The following VPS13A variants were observed in gnomAD, a reference collection of about 807,000 sequenced individuals.
The protein encoded by VPS13A is vacuolar protein sorting 13 homolog A.
In VPS13A, 264 loss-of-function variants were observed where a neutral mutation model predicts 390.9. The ratio of observed to expected loss-of-function variants is 0.68; its 90% confidence interval spans 0.61 to 0.75. The LOEUF is 0.75. VPS13A is among the 30% of genes least tolerant of loss of function. The probability of loss-of-function intolerance (pLI) is 0.00; values close to 1 mark genes in which losing one functional copy is unlikely to be tolerated. For missense variants in VPS13A, 3,409 were observed against 3,733.9 expected, an observed-to-expected ratio of 0.91 and a Z score of 2.27; for synonymous variants, 1,231 against 1,227.1, an observed-to-expected ratio of 1.00 and a Z score of -0.07.
intron 68 of VPS13A, chr9:77,382,518 C>T (rs1286958830): frequency 8.0e-7 from 1 of 1,251,590 alleles, no homozygotes; most frequent in Admixed American, 4.0e-5. Context: ...CCTTATGTAT[C>T]CTCGTCATTG....
At chr9:77,210,052 A>G (rs1457300172) in intron 6 of VPS13A, among the ~76,000 whole-genome samples, 1 of 152,098 alleles carries the variant, frequency 6.6e-6, no homozygotes, top group Admixed American at 6.5e-5. Context: ...TGTTTTAGGA[A>G]AAATATAGGA....
intron 68 of VPS13A, chr9:77,382,765 G>A: frequency 1.0e-6 from 1 of 985,594 alleles, no homozygotes; most frequent in Non-Finnish European, 1.2e-6. Flanking sequence ...AAAACTTGTG[G>A]GATTTGATAA....
chr9:77,385,339 C>A, intron 68 of VPS13A: 1 of 352,888 alleles, frequency 2.8e-6, no homozygotes, highest in Non-Finnish European at 4.0e-6. Context: ...CTTTGCTTTA[C>A]TTTTTACCGT....
chr9:77,382,365 A>G, intron 68 of VPS13A: 1 of 1,506,876 alleles, frequency 6.6e-7, no homozygotes, highest in African/African-American at 1.4e-5. Context: ...TTTACAAACT[A>G]CGTACAGCTG....
At chr9:77,353,167 A>T (rs923573495) in intron 53 of VPS13A, among the ~76,000 whole-genome samples, 4 of 152,100 alleles carry the variant, frequency 2.6e-5, no homozygotes, top group African/African-American at 2.4e-5. Context: ...TGTTTAAATT[A>T]AAAAAGTAAA....
chr9:77,282,296 C>A (rs752578033), intron 29 of VPS13A, 22 bp downstream of exon 29: 19 of 1,592,668 alleles, frequency 1.2e-5, no homozygotes, highest in South Asian at 1.0e-4. Context: ...AAAAATTTAG[C>A]ATCAACTTTT....
chr9:77,293,792 G>T (rs913749800), intron 32 of VPS13A, among the ~76,000 whole-genome samples: 4 of 151,858 alleles, frequency 2.6e-5, no homozygotes, highest in Non-Finnish European at 2.9e-5. Flanking sequence ...TAGAACCTTC[G>T]TTTTATATGT....
At chr9:77,200,973 C>T (rs765211153) in intron 2 of VPS13A, among the ~76,000 whole-genome samples, 31 of 152,078 alleles carry the variant, frequency 2.0e-4, no homozygotes, top group Non-Finnish European at 4.3e-4. Context: ...ATGGGGAGAA[C>T]GTTTTGAAAG....
rs1823118758 is a variant in VPS13A, at chr9:77,220,239, T to A, written c.883-38T>A. ...TATCTTCAGCAATTGAACAAAAAAA[T>A]GTGATACATTTAAGAGCTTTAATTT... On this transcript the variant is annotated intron_variant, in intron 11 of 71. Coordinates refer to ENST00000360280, the MANE Select transcript of VPS13A (RefSeq NM_033305.3). 3 of 1,572,444 alleles carry A rather than the reference T, an allele frequency of 1.9e-6. No homozygotes were observed. In the East Asian group the frequency reaches 6.8e-5, roughly 36 times the overall value.
At chr9:77,277,496 A>G (rs1343070437) in intron 26 of VPS13A, among the ~76,000 whole-genome samples, 3 of 152,134 alleles carry the variant, frequency 2.0e-5, no homozygotes, top group Non-Finnish European at 4.4e-5. Flanking sequence ...TTCTGTTTGG[A>G]CATGTATAAT....
At chr9:77,283,697 G>C in intron 31 of VPS13A, 47 bp downstream of exon 31, 1 of 1,426,382 alleles carries the variant, frequency 7.0e-7, no homozygotes. Flanking sequence ...AAATAGGATT[G>C]TCCTTTAAGA....
At chr9:77,377,806 A>C (rs1405616168) in intron 67 of VPS13A, among the ~76,000 whole-genome samples, 1 of 152,126 alleles carries the variant, frequency 6.6e-6, no homozygotes, top group Non-Finnish European at 1.5e-5. Flanking sequence ...TTTTAATCTT[A>C]GGGGGAAAGC....
intron 35 of VPS13A, among the ~76,000 whole-genome samples, chr9:77,312,774 AGACT>A (rs1829163859): frequency 6.6e-6 from 1 of 152,190 alleles, no homozygotes; most frequent in Non-Finnish European, 1.5e-5. Context: ...AAGTTGTAGA[AGACT>A]GACAACATCA....
intron 60 of VPS13A, 124 bp from the exon 61 acceptor site, chr9:77,366,603 A>G (rs1343940874): frequency 1.2e-6 from 1 of 812,300 alleles, no homozygotes; most frequent in Non-Finnish European, 1.9e-6. Flanking sequence ...ATTTTAACAT[A>G]ATCCAGATAA....
rs942489175 is a variant in VPS13A, at chr9:77,177,762, G to A, written c.58G>A (p.Val20Met). ...GAACCGGTTCTTGGGGGACTATGTG[G>A]TGGACTTGGACACGTCCCAGCTCTC... ...VLNRFLGDYV[V>M]DLDTSQLSLG... Residue 20 changes from valine (V) to methionine (M), a missense_variant, in exon 1 of 72, where the codon GTG becomes ATG. Val to Met is a conservative substitution (Grantham distance 21). This residue lies in a region of VPS13A where 2,717 missense variants were observed against 2,917.4 expected (regional missense o/e 0.93). Coordinates refer to ENST00000360280, the MANE Select transcript of VPS13A (RefSeq NM_033305.3). 4 of 1,613,582 alleles carry A rather than the reference G, an allele frequency of 2.5e-6. No homozygotes were observed. Among genetic ancestry groups the A allele is most frequent in the Non-Finnish European group, 3.4e-6 (4 of 1,179,732 alleles).
intron 1 of VPS13A, among the ~76,000 whole-genome samples, chr9:77,178,973 TATC>T (rs1342333841): frequency 6.6e-6 from 1 of 152,224 alleles, no homozygotes; most frequent in Non-Finnish European, 1.5e-5. Context: ...GGGGACCTAG[TATC>T]ATGATGGAGA....
chr9:77,362,088 A>G (rs1435672800), intron 59 of VPS13A, among the ~76,000 whole-genome samples: 1 of 152,042 alleles, frequency 6.6e-6, no homozygotes, highest in African/African-American at 2.4e-5. Context: ...ATAATTTTCA[A>G]ATATTTTCTC....
chr9:77,361,405 T>C (rs1832132930), intron 59 of VPS13A, among the ~76,000 whole-genome samples: 1 of 152,116 alleles, frequency 6.6e-6, no homozygotes, highest in African/African-American at 2.4e-5. Flanking sequence ...TGTTGTAGCA[T>C]GTATCAGTAC....
intron 54 of VPS13A, 60 bp downstream of exon 54, chr9:77,353,701 G>A (rs1174510825): frequency 1.4e-6 from 2 of 1,444,822 alleles, no homozygotes; most frequent in South Asian, 2.4e-5. Flanking sequence ...TTAAGAAATT[G>A]TTATTGTAAA....
Sources: allele counts gnomAD v4.1 joint callset (sites outside exome capture counted in the v4.1 genomes callset), GRCh38; gene constraint gnomAD v4.1.1; regional missense constraint gnomAD v4.1.1; transcripts MANE v1.5; gene names NCBI Gene and HGNC (gene_info 2026-07-23, HGNC 2026-07-21).